RXFP1: variants seen among roughly 807,000 people sequenced by gnomAD.
The protein encoded by RXFP1 is relaxin family peptide receptor 1.
In RXFP1, 73 loss-of-function variants were observed where a neutral mutation model predicts 89.8. The ratio of observed to expected loss-of-function variants is 0.81; its 90% CI spans 0.67 to 0.99. The LOEUF (loss-of-function observed/expected upper bound fraction) is 0.99. Ranked by LOEUF, RXFP1 falls within the 50% of genes least tolerant of loss-of-function variation. RXFP1 has a pLI of 0.00. For synonymous variants in RXFP1, 277 were observed against 305.5 expected, an observed-to-expected ratio of 0.91 and a Z score of 0.97; for missense variants, 793 against 895.5, an observed-to-expected ratio of 0.89 and a Z score of 1.46.
intron 6 of RXFP1, among the ~76,000 whole-genome samples, chr4:158,608,574 A>G (rs1246905692): frequency 6.6e-6 from 1 of 152,148 alleles, no homozygotes; most frequent in African/African-American, 2.4e-5. Flanking sequence ...TTACAAATGC[A>G]TGAAATACTG....
At chr4:158,603,498 T>G (rs1355470426) in intron 4 of RXFP1, among the ~76,000 whole-genome samples, 4 of 152,164 alleles carry the variant, frequency 2.6e-5, no homozygotes, top group African/African-American at 9.7e-5. Context: ...TCTAGAAAAG[T>G]GATTTTTAAC....
Position 158,612,182 on chromosome 4 carries a change from C to T in RXFP1, c.589C>T (p.Leu197Phe). 1.2e-6 allele frequency: 2 copies of T among 1,611,610 alleles called. No individual in the cohort carries two copies. Among genetic ancestry groups the T allele is most frequent in the South Asian group, 1.1e-5 (1 of 90,206 alleles). Residue 197 changes from leucine (L) to phenylalanine (F), a missense_variant, in exon 7 of 18, where the codon CTT (leucine) becomes TTT (phenylalanine). By Grantham distance (22) the Leu-to-Phe change is conservative (BLOSUM62 0). Transcript: ENST00000307765. ...CCTGAAGCCGGGTGTTTTTGAAGAT[C>T]TTCACAGACTAGAATGGCTGTATGT... The part of the protein sequence containing the change: ...TFLKPGVFED[L>F]HRLEWLIIED...
At chr4:158,557,011 AC>A (rs1261445887) in intron 1 of RXFP1, among the ~76,000 whole-genome samples, 1 of 152,202 alleles carries the variant, frequency 6.6e-6, no homozygotes, top group Admixed American at 6.5e-5. Flanking sequence ...GTTCTATTAC[AC>A]AGTAGAGTGA....
intron 6 of RXFP1, 32 bp from the exon 7 acceptor site, chr4:158,612,098 C>T (rs954481521): frequency 1.3e-6 from 2 of 1,519,118 alleles, no homozygotes; most frequent in Admixed American, 4.2e-5. Flanking sequence ...CAAAAATATA[C>T]AAATTTATTG....
intron 9 of RXFP1, among the ~76,000 whole-genome samples, chr4:158,626,136 A>T (rs941758041): frequency 6.7e-6 from 1 of 148,256 alleles, no homozygotes; most frequent in African/African-American, 2.5e-5. Context: ...AGATAGATAG[A>T]TAGATAGATA....
intron 1 of RXFP1, among the ~76,000 whole-genome samples, chr4:158,568,354 A>C (rs970318176): frequency 1.3e-5 from 2 of 152,258 alleles, no homozygotes; most frequent in African/African-American, 4.8e-5. Context: ...TAAAAAGATA[A>C]TATTCAGAAA....
At chr4:158,547,504 T>C (rs983765131) in intron 1 of RXFP1, among the ~76,000 whole-genome samples, 1 of 152,190 alleles carries the variant, frequency 6.6e-6, no homozygotes, top group African/African-American at 2.4e-5. Context: ...TTTGAATGTG[T>C]TTTCTCTTGC....
chr4:158,564,938 TC>T (rs1753243781), intron 1 of RXFP1, among the ~76,000 whole-genome samples: 1 of 152,206 alleles, frequency 6.6e-6, no homozygotes, highest in South Asian at 2.1e-4. Flanking sequence ...CTACTTCTGT[TC>T]CTAAACAATT....
At chr4:158,537,628 C>T (rs1421266194) in intron 1 of RXFP1, among the ~76,000 whole-genome samples, 2 of 152,178 alleles carry the variant, frequency 1.3e-5, no homozygotes, top group Non-Finnish European at 2.9e-5. Flanking sequence ...GACAATTATT[C>T]ATTCTTCCTT....
intron 1 of RXFP1, among the ~76,000 whole-genome samples, chr4:158,532,150 C>A (rs1261388559): frequency 3.3e-5 from 5 of 151,896 alleles, no homozygotes; most frequent in African/African-American, 1.2e-4. Context: ...TACCCATGCA[C>A]CCAGTGTTCA....
rs773449159 is a variant in RXFP1, at chr4:158,648,524, C to T, written c.1782C>T (p.Ile594=). The change falls in exon 17 of 18, where the codon ATC becomes ATT. Residue 594 remains isoleucine (I), a synonymous_variant. Coordinates refer to ENST00000307765, the MANE Select transcript of RXFP1 (RefSeq NM_021634.4). ...GTATTAATTTGGCCGCATTTATCAT[C>T]ATAGTTTTTTCCTATGGAAGCATGT... ...FLGINLAAFI[I]IVFSYGSMFY... The T allele has an allele frequency of 1.2e-6, 2 of 1,605,870 alleles. No individual in the cohort carries two copies. The highest frequency in any genetic ancestry group is 1.7e-6 in the Non-Finnish European group (2 of 1,175,714).
At chr4:158,547,881 A>G (rs1016691947) in intron 1 of RXFP1, among the ~76,000 whole-genome samples, 29 of 152,096 alleles carry the variant, frequency 1.9e-4, no homozygotes, top group Non-Finnish European at 2.5e-4. Flanking sequence ...TATGTGGTCA[A>G]TTTTGGAATA....
intron 1 of RXFP1, among the ~76,000 whole-genome samples, chr4:158,561,979 C>T (rs1240231050): frequency 6.6e-6 from 1 of 152,026 alleles, no homozygotes; most frequent in Non-Finnish European, 1.5e-5. Flanking sequence ...TCCAATAAAA[C>T]GTATTTTAAA....
intron 1 of RXFP1, among the ~76,000 whole-genome samples, chr4:158,558,256 T>G (rs1751726913): frequency 6.6e-6 from 1 of 152,226 alleles, no homozygotes; most frequent in Admixed American, 6.5e-5. Flanking sequence ...CTCTAATGCT[T>G]GGTGCATACA....
chr4:158,629,176 G>T (rs1580200324), intron 11 of RXFP1, among the ~76,000 whole-genome samples: 1 of 152,002 alleles, frequency 6.6e-6, no homozygotes, highest in Middle Eastern at 3.4e-3. Flanking sequence ...TCAGCCTCCT[G>T]AGTAGCTGGG....
At chr4:158,560,469 T>C (rs188265887) in intron 1 of RXFP1, among the ~76,000 whole-genome samples, 1 of 152,348 alleles carries the variant, frequency 6.6e-6, no homozygotes, top group African/African-American at 2.4e-5. Flanking sequence ...ATGAGCTTTT[T>C]CATGTCTGGA....
chr4:158,628,749 C>T (rs761645708), intron 11 of RXFP1, 40 bp downstream of exon 11: 30 of 1,154,574 alleles, frequency 2.6e-5, no homozygotes, highest in Non-Finnish European at 3.8e-5. Flanking sequence ...AATTTTCTTT[C>T]TACTGTTTTT....
intron 1 of RXFP1, among the ~76,000 whole-genome samples, chr4:158,543,460 C>T (rs1345139352): frequency 1.3e-5 from 2 of 152,140 alleles, no homozygotes; most frequent in Admixed American, 1.3e-4. Context: ...CACCTCGCTG[C>T]CAAGGAAACA....
chr4:158,611,282 G>T (rs1202131669), intron 6 of RXFP1, among the ~76,000 whole-genome samples: 1 of 152,184 alleles, frequency 6.6e-6, no homozygotes, highest in African/African-American at 2.4e-5. Flanking sequence ...GCAGTGAATT[G>T]CTACACTAGA....
Sources: gnomAD v4.1 joint callset for allele counts (sites outside exome capture counted in the v4.1 genomes callset) on GRCh38, gnomAD v4.1.1 for gene constraint, MANE v1.5 for transcripts, NCBI Gene and HGNC (gene_info 2026-07-23, HGNC 2026-07-21) for gene names.